The following ANGPT2 variants were observed in gnomAD, a reference collection of about 807,000 sequenced individuals.
ANGPT2 encodes the protein angiopoietin 2.
A neutral mutation model predicts 62.9 loss-of-function variants in ANGPT2; 28 were observed. The ratio of observed to expected loss-of-function variants is 0.44; its 90% confidence interval spans 0.33 to 0.61. The LOEUF (loss-of-function observed/expected upper bound fraction) is 0.61, where lower values mean the gene tolerates loss of function less well. ANGPT2 is among the 20% of genes least tolerant of loss of function. The pLI is 0.03. For missense variants in ANGPT2, 727 were observed against 594.9 expected, an observed-to-expected ratio of 1.22 and a Z score of -2.31; for synonymous variants, 284 against 207.8, an observed-to-expected ratio of 1.37 and a Z score of -3.15.
At chr8:6,553,106 A>C (rs1332012216) in intron 1 of ANGPT2, among the ~76,000 whole-genome samples, 1 of 152,074 alleles carries the variant, frequency 6.6e-6, no homozygotes, top group African/African-American at 2.4e-5. Flanking sequence ...TCTGGGTGAT[A>C]ATGATGGGTC....
intron 1 of ANGPT2, among the ~76,000 whole-genome samples, chr8:6,546,741 C>G (rs1379834525): frequency 6.6e-6 from 1 of 152,178 alleles, no homozygotes; most frequent in Non-Finnish European, 1.5e-5. Context: ...GAAGCTTGCA[C>G]TTGGTAGGAT....
intron 8 of ANGPT2, among the ~76,000 whole-genome samples, chr8:6,506,986 C>T (rs892163386): frequency 1.3e-5 from 2 of 151,682 alleles, no homozygotes. Flanking sequence ...CAAACTCTGT[C>T]TCCCCGGTTC....
At position 6,503,027 on chromosome 8, in the gene ANGPT2, G is replaced by T; in HGVS notation, c.*74C>A. On this transcript the variant is annotated 3_prime_UTR_variant, in exon 9 of 9. Coordinates refer to ENST00000629816, the MANE Select transcript of ANGPT2 (RefSeq NM_001118887.2). Reference sequence around the variant, plus strand: ...GTGGTGGAAGAGGACACAGTGCGCAGCCGTGACTTTCAGTGCACTGGGCTT... The same window carrying T: ...GTGGTGGAAGAGGACACAGTGCGCATCCGTGACTTTCAGTGCACTGGGCTT... 1 of 1,564,950 alleles carries T rather than the reference G, an allele frequency of 6.4e-7. No individual in the cohort carries two copies. The highest frequency in any genetic ancestry group is 8.7e-7 in the Non-Finnish European group (1 of 1,145,508).
intron 7 of ANGPT2, among the ~76,000 whole-genome samples, chr8:6,511,669 A>G (rs1175626819): frequency 6.6e-6 from 1 of 152,200 alleles, no homozygotes; most frequent in Non-Finnish European, 1.5e-5. Flanking sequence ...TTATTAGGAT[A>G]ATAATTTTCG....
At chr8:6,547,071 G>C (rs376783320) in intron 1 of ANGPT2, among the ~76,000 whole-genome samples, 3 of 151,942 alleles carry the variant, frequency 2.0e-5, no homozygotes, top group Admixed American at 6.6e-5. Flanking sequence ...GGTTGCCTTC[G>C]GGCTAATGCG....
At position 6,513,645 on chromosome 8, in the gene ANGPT2, A is replaced by AT. The variant is rs775178682; in HGVS notation, c.1196+32dup. 5.5e-5 allele frequency: 87 copies of AT among 1,582,524 alleles called. No homozygotes were observed. The African/African-American group carries it at 9.7e-4, about 18-fold the overall frequency. On this transcript the variant is annotated intron_variant, in intron 7 of 8. Transcript: ENST00000629816. ...ACCGTGCCCGGCCACAAATCTTTTA[A>AT]TTTTTTCTTTCAATTACCATGAACT...
intron 1 of ANGPT2, among the ~76,000 whole-genome samples, chr8:6,548,433 A>G (rs1823002377): frequency 2.6e-5 from 4 of 152,166 alleles, no homozygotes; most frequent in Admixed American, 2.0e-4. Context: ...CCTCATCTCA[A>G]CCATTATCCC....
At chr8:6,508,408 C>G in intron 8 of ANGPT2, 1 of 156,902 alleles carries the variant, frequency 6.4e-6, no homozygotes, top group Admixed American at 6.5e-5. Context: ...CGATCACACT[C>G]CCTTCTGGAC....
At chr8:6,547,885 ATTTTTTT>A (rs78972556) in intron 1 of ANGPT2, among the ~76,000 whole-genome samples, 2 of 119,068 alleles carry the variant, frequency 1.7e-5, no homozygotes, top group African/African-American at 6.0e-5. Context: ...TCTTACCCCC[ATTTTTTT>A]TTTTTTTTTT....
chr8:6,510,424 G>A (rs17077213), intron 7 of ANGPT2, among the ~76,000 whole-genome samples: 1 of 152,164 alleles, frequency 6.6e-6, no homozygotes, highest in African/African-American at 2.4e-5. Flanking sequence ...GCTAATGTTT[G>A]CAAGCTGCCA....
chr8:6,534,104 G>T (rs1170198892), intron 1 of ANGPT2, among the ~76,000 whole-genome samples: 2 of 152,226 alleles, frequency 1.3e-5, no homozygotes, highest in East Asian at 3.9e-4. Flanking sequence ...TTCTCCCGTG[G>T]ATATTGGATG....
intron 2 of ANGPT2, 83 bp from the exon 3 acceptor site, chr8:6,527,759 G>C: frequency 1.6e-6 from 2 of 1,260,954 alleles, no homozygotes; most frequent in Non-Finnish European, 1.1e-6. Context: ...AAGTACCCAA[G>C]CTACAGGAAA....
chr8:6,563,072 T>C lies in ANGPT2; in HGVS notation c.-138A>G, dbSNP rs1825805025. On this transcript the variant is annotated 5_prime_UTR_variant, in exon 1 of 9. Coordinates refer to ENST00000629816, the MANE Select transcript of ANGPT2 (RefSeq NM_001118887.2). The stretch of plus-strand genomic sequence containing the variant: ...CCGTCAATGAAAGTCTTCTCTTTCC[T>C]CTTTTTCCAGTAGCAAACCTGGTTT... 1.2e-5 allele frequency: 11 copies of C among 944,760 alleles called. No homozygotes were observed. In the South Asian group the frequency reaches 1.8e-4, roughly 16 times the overall value. 58.5% of individuals were successfully genotyped at this position (944,760 alleles called of 1,614,324 possible).
intron 8 of ANGPT2, among the ~76,000 whole-genome samples, chr8:6,505,665 A>G (rs1403423240): frequency 7.7e-6 from 1 of 130,188 alleles, no homozygotes; most frequent in Non-Finnish European, 1.6e-5. Context: ...TATATATAGA[A>G]TATATATACT....
chr8:6,514,228 T>C (rs748368252), intron 6 of ANGPT2, among the ~76,000 whole-genome samples: 3 of 152,206 alleles, frequency 2.0e-5, no homozygotes, highest in Non-Finnish European at 4.4e-5. Flanking sequence ...CTTACTCTGT[T>C]GCCCAGGCTG....
At chr8:6,546,064 C>T (rs1822529516) in intron 1 of ANGPT2, among the ~76,000 whole-genome samples, 1 of 152,204 alleles carries the variant, frequency 6.6e-6, no homozygotes, top group Non-Finnish European at 1.5e-5. Flanking sequence ...CAGTTCAGTT[C>T]CTTAGGAACT....
Position 6,544,652 on chromosome 8 carries a change from A to G in ANGPT2, c.289-12165T>C, listed in dbSNP as rs1013351636. On this transcript the variant is annotated intron_variant, in intron 1 of 8. Transcript: ENST00000629816. ...TGGCCATGAAATGAAGCGCAAGCACATATTTTATTTCTATAGGATTCCTCA... is the reference window on the plus strand; with the variant it reads ...TGGCCATGAAATGAAGCGCAAGCACGTATTTTATTTCTATAGGATTCCTCA... 3.2e-4 allele frequency among the ~76,000 whole-genome samples: 48 copies of G among 152,346 alleles called. 1 individual carries two copies. The highest frequency in any genetic ancestry group is 1.1e-3 in the African/African-American group (47 of 41,580).
chr8:6,537,078 G>C (rs1011650724), intron 1 of ANGPT2, among the ~76,000 whole-genome samples: 2 of 151,622 alleles, frequency 1.3e-5, no homozygotes, highest in African/African-American at 2.4e-5. Flanking sequence ...CATCTGCACC[G>C]AACTGCTCTC....
At chr8:6,525,573 A>C (rs531379851) in intron 3 of ANGPT2, among the ~76,000 whole-genome samples, 22 of 152,342 alleles carry the variant, frequency 1.4e-4, no homozygotes, top group African/African-American at 4.8e-4. Context: ...TTGGGGAATT[A>C]TAAAAGATTA....
Sources: allele counts gnomAD v4.1 joint callset (sites outside exome capture counted in the v4.1 genomes callset), GRCh38; gene constraint gnomAD v4.1.1; transcripts MANE v1.5; gene names NCBI Gene and HGNC (gene_info 2026-07-23, HGNC 2026-07-21).